Variants in PPM1L observed in about 807,000 individuals in gnomAD.
PPM1L encodes protein phosphatase, Mg2+/Mn2+ dependent 1L.
In PPM1L, 13 loss-of-function variants were observed where a neutral mutation model predicts 31.4. The observed-to-expected ratio is 0.41, with a 90% CI of 0.27 to 0.66. The LOEUF is 0.66. Ranked by LOEUF, PPM1L falls within the 30% of genes least tolerant of loss-of-function variation. The pLI, the probability that PPM1L is intolerant of heterozygous loss-of-function variation, is 0.29. For missense variants in PPM1L, 326 were observed against 453.7 expected (o/e 0.72, Z 2.56); for synonymous variants, 184 against 175.4 (o/e 1.05, Z -0.39).
intron 1 of PPM1L, among the ~76,000 whole-genome samples, chr3:160,786,205 ATATTTTTTTTTT>A (rs1711927103): frequency 1.6e-5 from 1 of 62,436 alleles, no homozygotes; most frequent in South Asian, 6.5e-4. Flanking sequence ...ATATATATAT[ATATTTTTTTTTT>A]TTTTTTTTTT....
At chr3:160,858,765 T>A (rs1711802361) in intron 1 of PPM1L, among the ~76,000 whole-genome samples, 1 of 152,220 alleles carries the variant, frequency 6.6e-6, no homozygotes. Flanking sequence ...AAATTCTGAA[T>A]GAATTACTAA....
intron 1 of PPM1L, among the ~76,000 whole-genome samples, chr3:160,800,699 C>T (rs1712398633): frequency 6.6e-6 from 1 of 152,036 alleles, no homozygotes; most frequent in Non-Finnish European, 1.5e-5. Context: ...ATCTTTAAAA[C>T]TCTCAACTAA....
intron 1 of PPM1L, among the ~76,000 whole-genome samples, chr3:160,901,313 T>C (rs1366722898): frequency 1.3e-5 from 2 of 152,150 alleles, no homozygotes; most frequent in Admixed American, 1.3e-4. Context: ...TCTATTACTA[T>C]TATAACATAG....
chr3:160,930,485 G>A (rs1360169371), intron 1 of PPM1L, among the ~76,000 whole-genome samples: 1 of 152,178 alleles, frequency 6.6e-6, no homozygotes, highest in African/African-American at 2.4e-5. Flanking sequence ...AGTTGAGGTA[G>A]TATTGTTCAT....
intron 1 of PPM1L, among the ~76,000 whole-genome samples, chr3:160,850,891 G>A (rs1444697211): frequency 1.3e-5 from 2 of 149,882 alleles, no homozygotes; most frequent in Non-Finnish European, 3.0e-5. Context: ...TGGTGGGGGG[G>A]GGGTCATTAT....
chr3:161,049,775 T>A (rs1467264748), intron 2 of PPM1L, among the ~76,000 whole-genome samples: 1 of 152,168 alleles, frequency 6.6e-6, no homozygotes, highest in African/African-American at 2.4e-5. Context: ...GATATCTGGT[T>A]TGAGATTCTG....
chr3:160,897,327 C>T (rs777873079), intron 1 of PPM1L, among the ~76,000 whole-genome samples: 18 of 152,080 alleles, frequency 1.2e-4, no homozygotes, highest in Non-Finnish European at 2.6e-4. Flanking sequence ...AGGTGTGAGC[C>T]ACCGTGCCTG....
intron 1 of PPM1L, among the ~76,000 whole-genome samples, chr3:160,812,286 A>G (rs1712837469): frequency 6.6e-6 from 1 of 152,058 alleles, no homozygotes; most frequent in Non-Finnish European, 1.5e-5. Flanking sequence ...GGTCAAAGAG[A>G]ATTTGATCCT....
chr3:160,881,502 A>G (rs1316632060), intron 1 of PPM1L, among the ~76,000 whole-genome samples: 3 of 152,218 alleles, frequency 2.0e-5, no homozygotes, highest in African/African-American at 7.2e-5. Context: ...ATATTTAAAA[A>G]ATAATTTTCA....
In PPM1L at chr3:161,010,629, C is replaced by CA. The variant is rs570495847; in HGVS notation, c.574+48720dup. Among the ~76,000 whole-genome samples, 1,443 of 152,296 alleles carry CA rather than the reference C, an allele frequency of 9.5e-3. 35 individuals are homozygous for CA. The highest frequency in any genetic ancestry group is 0.033 in the African/African-American group (1,364 of 41,546). On this transcript the variant is annotated intron_variant, in intron 2 of 3. Transcript: ENST00000498165. The stretch of plus-strand genomic sequence containing the variant: ...CTTCCACAATGGTTGAACTAGTTTA[C>CA]AGTCCCACCAACAGTGTAAAAGTGT...
chr3:160,802,053 C>T (rs971791130), intron 1 of PPM1L, among the ~76,000 whole-genome samples: 6 of 152,186 alleles, frequency 3.9e-5, no homozygotes, highest in Admixed American at 1.3e-4. Flanking sequence ...ATCTTGGTGG[C>T]TACGTCGGGT....
At chr3:160,969,961 T>C (rs1716269548) in intron 2 of PPM1L, among the ~76,000 whole-genome samples, 1 of 152,242 alleles carries the variant, frequency 6.6e-6, no homozygotes, top group Non-Finnish European at 1.5e-5. Flanking sequence ...ATCTTTGGTG[T>C]ATTTATTTCT....
intron 1 of PPM1L, among the ~76,000 whole-genome samples, chr3:160,839,394 CT>C (rs1372291243): frequency 6.6e-6 from 1 of 152,154 alleles, no homozygotes; most frequent in Non-Finnish European, 1.5e-5. Context: ...ACTCTTAGAG[CT>C]GCTGGATTGT....
chr3:160,933,424 T>C (rs1714851183), intron 1 of PPM1L, among the ~76,000 whole-genome samples: 1 of 152,196 alleles, frequency 6.6e-6, no homozygotes, highest in Non-Finnish European at 1.5e-5. Context: ...CATAAAGGTA[T>C]CTTCAGACAC....
At chr3:160,920,654 CACACACACACACAT>C (rs1576714898) in intron 1 of PPM1L, among the ~76,000 whole-genome samples, 13 of 151,052 alleles carry the variant, frequency 8.6e-5, no homozygotes, top group South Asian at 4.2e-4. Flanking sequence ...CACACACACA[CACACACACACACAT>C]ATTAAAGATC....
intron 1 of PPM1L, among the ~76,000 whole-genome samples, chr3:160,905,189 A>C (rs116065217): frequency 0.01 from 1,571 of 152,134 alleles, 26 homozygotes; most frequent in African/African-American, 0.036. Context: ...TATTATACGA[A>C]ATTTATTTTT....
chr3:161,062,693 T>C (rs1158250600), intron 2 of PPM1L, among the ~76,000 whole-genome samples: 1 of 152,240 alleles, frequency 6.6e-6, no homozygotes, highest in Admixed American at 6.5e-5. Flanking sequence ...CTCCCTTTTT[T>C]AAAAAGAAAT....
chr3:160,841,856 G>A (rs1453167140), intron 1 of PPM1L, among the ~76,000 whole-genome samples: 2 of 152,108 alleles, frequency 1.3e-5, no homozygotes, highest in African/African-American at 2.4e-5. Flanking sequence ...ATTTTTTGAT[G>A]ACATATATTC....
intron 1 of PPM1L, among the ~76,000 whole-genome samples, chr3:160,909,316 G>A (rs750405898): frequency 2.6e-5 from 4 of 152,186 alleles, no homozygotes; most frequent in African/African-American, 4.8e-5. Flanking sequence ...GACATCATAA[G>A]TGCTGATAAT....
Sources: allele counts gnomAD v4.1 joint callset (sites outside exome capture counted in the v4.1 genomes callset), GRCh38; gene constraint gnomAD v4.1.1; transcripts MANE v1.5; gene names NCBI Gene and HGNC (gene_info 2026-07-23, HGNC 2026-07-21).